Variants in PCDH11X observed in about 807,000 individuals in gnomAD.
PCDH11X encodes the protein protocadherin-11 X-linked.
In PCDH11X, 18 loss-of-function variants were observed where a neutral mutation model predicts 53.3. That is an observed-to-expected ratio of 0.34 (90% CI 0.23 to 0.50). PCDH11X has a LOEUF of 0.50. PCDH11X is among the 20% of genes least tolerant of loss of function. The probability of loss-of-function intolerance (pLI) is 0.98; values close to 1 mark genes in which losing one functional copy is unlikely to be tolerated. For synonymous variants in PCDH11X, 279 were observed against 393.3 expected (o/e 0.71, Z 3.44); for missense variants, 570 against 1,032.4 (o/e 0.55, Z 6.14).
chrX:92,458,073 ATC>A (rs745336656), intron 9 of PCDH11X, among the ~76,000 whole-genome samples: 1 of 106,925 alleles, frequency 9.4e-6, no homozygotes, highest in Non-Finnish European at 1.9e-5. Context: ...CTCAAATGAA[ATC>A]TCTGTTTCCA....
At chrX:92,417,910 T>C (rs1292656362) in intron 9 of PCDH11X, among the ~76,000 whole-genome samples, 1 of 96,742 alleles carries the variant, frequency 1.0e-5, no homozygotes, top group Non-Finnish European at 2.0e-5. Context: ...CATAGCCGAC[T>C]CCTAGCAGAT....
At chrX:92,437,730 G>A (rs2072417170) in intron 9 of PCDH11X, among the ~76,000 whole-genome samples, 1 of 110,989 alleles carries the variant, frequency 9.0e-6, no homozygotes, top group Non-Finnish European at 1.9e-5. Flanking sequence ...CCTAGGTGCT[G>A]TCTAGTATAT....
intron 1 of PCDH11X, among the ~76,000 whole-genome samples, chrX:91,783,755 A>G (rs4316303): frequency 0.33 from 35,981 of 110,660 alleles, 4,911 homozygotes; most frequent in African/African-American, 0.52. Flanking sequence ...TTATTCAGGG[A>G]ATGAAATTTT....
At position 91,817,584 on chromosome X, in the gene PCDH11X, G is replaced by A. The variant is rs957568359; in HGVS notation, c.-45+6289G>A. Among the ~76,000 whole-genome samples the A allele has an allele frequency of 2.7e-5, 3 of 111,224 alleles. No homozygotes were observed. The Admixed American group carries it at 2.9e-4, about 11-fold the overall frequency. On this transcript the variant is annotated intron_variant, in intron 4 of 10. Transcript: ENST00000682573. ...AATATTCTAAAATCTGTGCTGTCCA[G>A]TGCTTAAGTCCTTAGCCTTATTGGA...
intron 8 of PCDH11X, among the ~76,000 whole-genome samples, chrX:92,274,972 A>G (rs2068050228): frequency 9.1e-6 from 1 of 110,217 alleles, no homozygotes; most frequent in African/African-American, 3.3e-5. Context: ...CTGGGCCAGG[A>G]ACAATGGTAA....
chrX:92,572,892 A>G (rs1181535438), intron 10 of PCDH11X, among the ~76,000 whole-genome samples: 2 of 108,376 alleles, frequency 1.8e-5, no homozygotes. Context: ...TCAAAAATAA[A>G]TAAATAAATA....
intron 8 of PCDH11X, among the ~76,000 whole-genome samples, chrX:92,357,370 G>A (rs1264487760): frequency 2.7e-5 from 3 of 111,271 alleles, no homozygotes; most frequent in African/African-American, 6.5e-5. Context: ...TTGGAAAAAC[G>A]AAATCTAGTC....
At chrX:91,937,654 T>C (rs188159637) in intron 6 of PCDH11X, among the ~76,000 whole-genome samples, 59 of 110,759 alleles carry the variant, frequency 5.3e-4, no homozygotes, top group African/African-American at 1.8e-3. Flanking sequence ...GAAGAGTGAT[T>C]AGATTTATTA....
intron 8 of PCDH11X, among the ~76,000 whole-genome samples, chrX:92,386,356 G>A (rs2522742): frequency 9.0e-6 from 1 of 111,567 alleles, no homozygotes; most frequent in Admixed American, 9.6e-5. Context: ...GTAAATTCTT[G>A]TGATCTTTGA....
At chrX:92,035,976 T>C (rs2148021658) in intron 6 of PCDH11X, among the ~76,000 whole-genome samples, 1 of 33,211 alleles carries the variant, frequency 3.0e-5, no homozygotes, top group African/African-American at 1.4e-4. Context: ...AATTTTCAAC[T>C]CCATAATTTC....
intron 6 of PCDH11X, among the ~76,000 whole-genome samples, chrX:92,069,548 G>T (rs2063666614): frequency 9.1e-6 from 1 of 110,067 alleles, no homozygotes; most frequent in Non-Finnish European, 1.9e-5. Flanking sequence ...CTTTTTTTCT[G>T]CCTTACTGTC....
At chrX:92,027,688 C>CA (rs2062988635) in intron 6 of PCDH11X, among the ~76,000 whole-genome samples, 1 of 93,238 alleles carries the variant, frequency 1.1e-5, no homozygotes, top group African/African-American at 3.9e-5. Context: ...AATATAGCTG[C>CA]AAAAATATAG....
intron 7 of PCDH11X, among the ~76,000 whole-genome samples, chrX:92,208,419 T>A (rs2148331916): frequency 1.0e-5 from 1 of 96,275 alleles, no homozygotes; most frequent in Non-Finnish European, 2.1e-5. Context: ...AAACTCCCTT[T>A]GTCTGGCTTC....
chrX:92,442,772 T>C (rs962705994), intron 9 of PCDH11X, among the ~76,000 whole-genome samples: 5 of 110,089 alleles, frequency 4.5e-5, no homozygotes, highest in Admixed American at 1.9e-4. Flanking sequence ...TGTGTAGTAT[T>C]CTACAGTGTA....
chrX:92,139,304 T>A (rs2065138949), intron 6 of PCDH11X, among the ~76,000 whole-genome samples: 1 of 97,602 alleles, frequency 1.0e-5, no homozygotes, highest in African/African-American at 3.8e-5. Context: ...AGATGGAGTC[T>A]TGCTCTTGTC....
chrX:91,886,992 G>A (rs1279460275), intron 6 of PCDH11X, among the ~76,000 whole-genome samples: 55 of 90,966 alleles, frequency 6.0e-4, no homozygotes, highest in Middle Eastern at 5.3e-3. Flanking sequence ...AAAAAGAAAA[G>A]AAAAGAAAAG....
chrX:92,355,220 GA>G (rs1158347791), intron 8 of PCDH11X, among the ~76,000 whole-genome samples: 1 of 74,164 alleles, frequency 1.3e-5, no homozygotes, highest in Non-Finnish European at 2.5e-5. Flanking sequence ...GAGGTCAGGA[GA>G]TCGAGACCAT....
At chrX:92,537,582 G>A (rs754640710) in intron 10 of PCDH11X, among the ~76,000 whole-genome samples, 22 of 105,738 alleles carry the variant, frequency 2.1e-4, no homozygotes, top group African/African-American at 7.2e-4. Context: ...AACAAAACTG[G>A]AGGAATCACC....
chrX:91,991,378 G>T (rs1389799539), intron 6 of PCDH11X, among the ~76,000 whole-genome samples: 1 of 68,970 alleles, frequency 1.4e-5, no homozygotes, highest in Non-Finnish European at 2.6e-5. Flanking sequence ...TTGGTCTGTT[G>T]GTGCTTCCAG....
Sources: allele counts gnomAD v4.1 joint callset (sites outside exome capture counted in the v4.1 genomes callset), GRCh38; gene constraint gnomAD v4.1.1; transcripts MANE v1.5; gene names NCBI Gene and HGNC (gene_info 2026-07-23, HGNC 2026-07-21).